CRISP2: variants seen among roughly 807,000 people sequenced by gnomAD.
CRISP2 encodes cysteine rich secretory protein 2.
In CRISP2, 29 loss-of-function variants were observed where a neutral mutation model predicts 31.7. The ratio of observed to expected loss-of-function variants is 0.92; its 90% CI spans 0.68 to 1.25. The LOEUF (loss-of-function observed/expected upper bound fraction) is 1.25. Among genes scored for constraint, CRISP2 ranks in the 50% most tolerant of loss-of-function variants. CRISP2 has a pLI of 0.00. For missense variants in CRISP2, 318 were observed against 286.5 expected (o/e 1.11, Z -0.79); for synonymous variants, 111 against 101.4 (o/e 1.09, Z -0.57).
intron 8 of CRISP2, among the ~76,000 whole-genome samples, chr6:49,696,625 T>C (rs945500814): frequency 1.6e-4 from 25 of 152,014 alleles, no homozygotes; most frequent in South Asian, 1.5e-3. Flanking sequence ...AAGAAAAGTT[T>C]TGATAAATAC....
intron 4 of CRISP2, among the ~76,000 whole-genome samples, chr6:49,705,500 T>G (rs181802749): frequency 6.6e-6 from 1 of 152,310 alleles, no homozygotes; most frequent in African/African-American, 2.4e-5. Flanking sequence ...CTACTGCAGC[T>G]TCTGTACTCA....
In CRISP2 at chr6:49,705,844, A is replaced by T. The variant is rs147847993; in HGVS notation, c.66+3287T>A. ...AGTGAGGATGTGTGTTTAGAGGCAG[A>T]TTTTCTTCCCTCACGCTTTGGGCCC... On this transcript the variant is annotated intron_variant, in intron 4 of 9. Transcript: ENST00000339139. 7.6e-3 allele frequency among the ~76,000 whole-genome samples: 1,154 copies of T among 152,216 alleles called. 20 individuals carry two copies. The highest frequency in any genetic ancestry group is 0.026 in the African/African-American group (1,100 of 41,542).
chr6:49,680,465 A>G, the CRISP2 span, among the ~76,000 whole-genome samples: 28 of 152,224 alleles, frequency 1.8e-4, no homozygotes, highest in South Asian at 5.4e-3. Context: ...ATTAACATAT[A>G]TGTGCACGTG....
At chr6:49,711,246 A>T (rs1044346604) in intron 3 of CRISP2, 39 bp downstream of exon 3, 6 of 152,262 alleles carry the variant, frequency 3.9e-5, no homozygotes, top group Non-Finnish European at 8.8e-5. Context: ...GATTGGCATG[A>T]TAAAATATTC....
At chr6:49,711,774 G>T (rs1173821215) in intron 2 of CRISP2, among the ~76,000 whole-genome samples, 1 of 152,146 alleles carries the variant, frequency 6.6e-6, no homozygotes, top group East Asian at 1.9e-4. Flanking sequence ...AAACCATCAG[G>T]TCTGGGAAAT....
At position 49,695,983 on chromosome 6, in the gene CRISP2, G is replaced by A. The variant is rs1764673513; in HGVS notation, c.516-59C>T. ...CTTTACTGTTTATACTCTAAGGGCAGTATCAGTCATCAAATATACATAAAT... is the reference window on the plus strand; with the variant it reads ...CTTTACTGTTTATACTCTAAGGGCAATATCAGTCATCAAATATACATAAAT... On this transcript the variant is annotated intron_variant, in intron 8 of 9. Transcript: ENST00000339139. The A allele has an allele frequency of 1.6e-5, 17 of 1,079,274 alleles. No homozygotes were observed. In the South Asian group the frequency reaches 2.0e-4, roughly 13 times the overall value. 66.9% of individuals were successfully genotyped at this position (1,079,274 alleles called of 1,614,324 possible). A position where few individuals can be genotyped will look rare whatever the true frequency, so the allele number is the denominator to read the frequency against.
intron 1 of CRISP2, among the ~76,000 whole-genome samples, chr6:49,712,956 G>A (rs1768303567): frequency 6.6e-6 from 1 of 151,970 alleles, no homozygotes; most frequent in Non-Finnish European, 1.5e-5. Flanking sequence ...CATAAGCAGT[G>A]TCCCACATGG....
chr6:49,704,531 G>T (rs1011482288), intron 4 of CRISP2, among the ~76,000 whole-genome samples: 5 of 152,070 alleles, frequency 3.3e-5, no homozygotes, highest in Non-Finnish European at 7.4e-5. Flanking sequence ...AGGTTCTTTT[G>T]CCTTGAACCC....
Position 49,699,665 on chromosome 6 carries a change from TA to T in CRISP2, c.271+138del. 4 of 620,646 alleles carry T rather than the reference TA, an allele frequency of 6.4e-6. No homozygotes were observed. In the South Asian group the frequency reaches 8.7e-5, roughly 14 times the overall value. 38.4% of individuals were successfully genotyped at this position (620,646 alleles called of 1,614,324 possible). A position where few individuals can be genotyped will look rare whatever the true frequency, so the allele number is the denominator to read the frequency against. ...TTCTTATTGTAAATACCCCTCTGTA[TA>T]CAGATACTTTGACTTCAAAAAGACA... On this transcript the variant is annotated intron_variant, in intron 6 of 9. Transcript: ENST00000339139.
chr6:49,704,204 G>A (rs1290257223), intron 4 of CRISP2, among the ~76,000 whole-genome samples: 1 of 151,862 alleles, frequency 6.6e-6, no homozygotes, highest in African/African-American at 2.4e-5. Context: ...CAGGAGTTGT[G>A]ATTGTTTTTT....
chr6:49,688,986 A>C (rs1313283625), downstream of CRISP2, among the ~76,000 whole-genome samples: 2 of 152,040 alleles, frequency 1.3e-5, no homozygotes, highest in African/African-American at 4.8e-5. Flanking sequence ...CTCCTGCCTC[A>C]GCCTCCTCCC....
chr6:49,695,439 G>A (rs1471956445), intron 9 of CRISP2, among the ~76,000 whole-genome samples: 1 of 152,148 alleles, frequency 6.6e-6, no homozygotes, highest in Non-Finnish European at 1.5e-5. Context: ...TGGCGTGCCT[G>A]TCTAGACTGA....
chr6:49,711,131 A>G (rs761311401), intron 3 of CRISP2, among the ~76,000 whole-genome samples, 154 bp downstream of exon 3: 6 of 151,732 alleles, frequency 4.0e-5, no homozygotes, highest in Non-Finnish European at 7.4e-5. Flanking sequence ...GGTGACAGAA[A>G]GAGACCCTGT....
intron 9 of CRISP2, among the ~76,000 whole-genome samples, chr6:49,694,994 A>G (rs987616564): frequency 2.2e-4 from 34 of 152,070 alleles, no homozygotes; most frequent in Admixed American, 1.3e-4. Flanking sequence ...TGCCTGATTT[A>G]TAGCTTTGGT....
rs776309599 is a variant in CRISP2 at position 49,692,734 on chromosome 6, C to A, written c.*39G>T. ...GTATGTCGCAATTAAATGATGCAGC[C>A]CTTATCCATGCAGTCTTGCACAATG... On this transcript the variant is annotated 3_prime_UTR_variant, in exon 10 of 10. Coordinates refer to ENST00000339139, the MANE Select transcript of CRISP2 (RefSeq NM_003296.4). 11 of 1,574,100 alleles carry A rather than the reference C, an allele frequency of 7.0e-6. No homozygotes were observed. The highest frequency in any genetic ancestry group is 9.5e-6 in the Non-Finnish European group (11 of 1,152,420).
intron 4 of CRISP2, among the ~76,000 whole-genome samples, chr6:49,707,996 A>G (rs1270028574): frequency 6.6e-6 from 1 of 152,172 alleles, no homozygotes; most frequent in Non-Finnish European, 1.5e-5. Context: ...AGGCTTTTAG[A>G]GTTAGGGTTT....
chr6:49,706,864 G>A (rs887811159), intron 4 of CRISP2, among the ~76,000 whole-genome samples: 2 of 152,056 alleles, frequency 1.3e-5, no homozygotes, highest in Non-Finnish European at 2.9e-5. Flanking sequence ...GGGACTGATC[G>A]TGGACGCCAC....
chr6:49,677,960 T>C, the CRISP2 span, among the ~76,000 whole-genome samples: 9 of 152,240 alleles, frequency 5.9e-5, no homozygotes, highest in South Asian at 1.9e-3. Context: ...GGATCAATGT[T>C]AGACTTGCAA....
chr6:49,702,421 C>G (rs1350449380), intron 4 of CRISP2, among the ~76,000 whole-genome samples: 1 of 151,410 alleles, frequency 6.6e-6, no homozygotes, highest in Non-Finnish European at 1.5e-5. Context: ...GCTTACATTC[C>G]CACCAGCAGT....
Sources: allele counts gnomAD v4.1 joint callset (sites outside exome capture counted in the v4.1 genomes callset), GRCh38; gene constraint gnomAD v4.1.1; transcripts MANE v1.5; gene names NCBI Gene and HGNC (gene_info 2026-07-23, HGNC 2026-07-21).